Variants in SYNE2 observed in about 807,000 individuals in gnomAD.
SYNE2 encodes nesprin-2.
In SYNE2, 431 loss-of-function variants were observed where a neutral mutation model predicts 856.3. That is an observed-to-expected ratio of 0.50 (90% CI 0.47 to 0.55). SYNE2 has a LOEUF of 0.55. SYNE2 is among the 20% of genes least tolerant of loss of function. SYNE2 has a pLI of 0.00. For missense variants in SYNE2, 8,129 were observed against 8,023.2 expected, an observed-to-expected ratio of 1.01 and a Z score of -0.50; for synonymous variants, 2,923 against 2,872.3, an observed-to-expected ratio of 1.02 and a Z score of -0.56.
At chr14:64,000,150 G>T (rs4027383) in intron 27 of SYNE2, among the ~76,000 whole-genome samples, 72,875 of 152,062 alleles carry the variant, frequency 0.48, 17,719 homozygotes, top group African/African-American at 0.56. Context: ...ATTAATTTAA[G>T]TTACTTCTTA....
At position 63,949,863 on chromosome 14, in the gene SYNE2, T is replaced by C. The variant is rs2096122862; in HGVS notation, c.447T>C (p.Asn149=). 2 of 1,614,068 alleles carry C rather than the reference T, an allele frequency of 1.2e-6. No individual in the cohort carries two copies. The highest frequency in any genetic ancestry group is 1.7e-6 in the Non-Finnish European group (2 of 1,180,028). Reference sequence around the variant, plus strand: ...CCCAGACTCTTTCTTGCAATTACAATCAGCCTTCCCTGGATGATGTGAGTG... The same window carrying C: ...CCCAGACTCTTTCTTGCAATTACAACCAGCCTTCCCTGGATGATGTGAGTG... The part of the protein sequence containing the change: ...KLAQTLSCNY[N]QPSLDDVSVV... The change falls in exon 7 of 116, where the codon AAT becomes AAC. Residue 149 remains asparagine (N), a synonymous_variant. Transcript: ENST00000555002.
chr14:64,074,504 C>G (rs2097441188), intron 53 of SYNE2, among the ~76,000 whole-genome samples: 1 of 152,150 alleles, frequency 6.6e-6, no homozygotes, highest in African/African-American at 2.4e-5. Context: ...CTATGTACAC[C>G]CTACAGGTCA....
chr14:64,175,265 T>C, intron 95 of SYNE2, 127 bp downstream of exon 95: 1 of 1,051,614 alleles, frequency 9.5e-7, no homozygotes, highest in Non-Finnish European at 1.4e-6. Context: ...CAAGCTGTAA[T>C]CTGTAAGTCA....
chr14:63,849,840 C>G (rs1890347030), upstream of SYNE2, among the ~76,000 whole-genome samples: 1 of 152,162 alleles, frequency 6.6e-6, no homozygotes, highest in South Asian at 2.1e-4. Context: ...TCTTGGTTCA[C>G]CTGCTCAGTA....
chr14:64,077,868 G>A (rs1356425300), intron 54 of SYNE2, among the ~76,000 whole-genome samples: 1 of 152,078 alleles, frequency 6.6e-6, no homozygotes, highest in Non-Finnish European at 1.5e-5. Context: ...ACGCTGTTCA[G>A]TAGCTAAGTT....
chr14:64,002,292 G>T (rs1030658437), intron 29 of SYNE2, among the ~76,000 whole-genome samples: 1 of 151,850 alleles, frequency 6.6e-6, no homozygotes, highest in Non-Finnish European at 1.5e-5. Flanking sequence ...TGCATAGTGA[G>T]GTATTTTCTT....
intron 92 of SYNE2, 151 bp from the exon 93 acceptor site, chr14:64,168,726 G>C (rs1016132430): frequency 9.1e-5 from 58 of 640,340 alleles, no homozygotes; most frequent in African/African-American, 8.0e-4. Flanking sequence ...TGATATGATA[G>C]TTGAACATTT....
Position 64,002,922 on chromosome 14 carries a change from C to T in SYNE2, c.3989C>T (p.Ala1330Val), listed in dbSNP as rs762901807. Residue 1330 changes from alanine to valine, a missense_variant, in exon 30 of 116, where the codon GCG becomes GTG. Transcript: ENST00000555002. ...DTLKALEDFL[A>V]SLRTAKLSAE... Reference sequence around the variant, plus strand: ...CTCAAAGCTCTGGAAGACTTTTTGGCGTCTCTCAGAACAGCTAAACTCTCT... The same window carrying T: ...CTCAAAGCTCTGGAAGACTTTTTGGTGTCTCTCAGAACAGCTAAACTCTCT... 1.4e-5 allele frequency: 22 copies of T among 1,614,042 alleles called. No individual in the cohort carries two copies. The highest frequency in any genetic ancestry group is 1.9e-5 in the Non-Finnish European group (22 of 1,180,030).
chr14:64,010,827 CAG>C (rs1159208931), intron 32 of SYNE2, among the ~76,000 whole-genome samples: 2 of 152,088 alleles, frequency 1.3e-5, no homozygotes, highest in Non-Finnish European at 2.9e-5. Flanking sequence ...TTAGTAGAGA[CAG>C]GGTTTCGCCG....
intron 107 of SYNE2, chr14:64,215,625 A>AT (rs759906711): frequency 2.8e-5 from 15 of 533,048 alleles, no homozygotes; most frequent in African/African-American, 7.7e-5. Context: ...TGTTTTGATG[A>AT]TTTTTTTCTC....
In SYNE2 at chr14:64,099,025, T is replaced by G. The variant is rs183335803; in HGVS notation, c.12381+204T>G. ...TCACTGTGTAAGAGTGAGATGAATGTAATTCAGACACTCTTGTTGGCATAC... is the reference window on the plus strand; with the variant it reads ...TCACTGTGTAAGAGTGAGATGAATGGAATTCAGACACTCTTGTTGGCATAC... On this transcript the variant is annotated intron_variant, in intron 63 of 115. Transcript: ENST00000555002. 1.0e-5 allele frequency: 6 copies of G among 576,818 alleles called. No homozygotes were observed. The Admixed American group carries it at 1.6e-4, about 15-fold the overall frequency. The allele number at this position is 576,818 out of a possible 1,614,324, so 35.7% of individuals were successfully genotyped here. A position where few individuals can be genotyped will look rare whatever the true frequency, so the allele number is the denominator to read the frequency against.
At chr14:64,137,592 A>T (rs1018313694) in intron 78 of SYNE2, among the ~76,000 whole-genome samples, 195 bp from the exon 79 acceptor site, 1 of 152,218 alleles carries the variant, frequency 6.6e-6, no homozygotes, top group Non-Finnish European at 1.5e-5. Context: ...GAAATGCAAG[A>T]TTGGACACCT....
chr14:64,038,374 A>G (rs1460722535), intron 45 of SYNE2, among the ~76,000 whole-genome samples: 2 of 152,156 alleles, frequency 1.3e-5, no homozygotes, highest in Non-Finnish European at 2.9e-5. Context: ...AGCCAGGCAG[A>G]GGGGCTCCTC....
intron 100 of SYNE2, among the ~76,000 whole-genome samples, chr14:64,205,367 G>A (rs1040509983): frequency 1.3e-4 from 20 of 152,256 alleles, no homozygotes; most frequent in African/African-American, 4.8e-4. Flanking sequence ...GGAAACAAAT[G>A]TGTCACACAA....
chr14:64,218,511 A>G lies in SYNE2; in HGVS notation c.19656A>G (p.Ser6552=), dbSNP rs1358518891. 1 of 1,613,754 alleles carries G rather than the reference A, an allele frequency of 6.2e-7. No individual in the cohort carries two copies. The highest frequency in any genetic ancestry group is 8.5e-7 in the Non-Finnish European group (1 of 1,179,926). The change falls in exon 109 of 116, where the codon TCA becomes TCG. Residue 6552 remains serine (S), a splice_region_variant and synonymous_variant. Transcript: ENST00000555002. ...TGGCCGGTATCACAGAGCAGCAGTC[A>G]GGTACTGCCTGTAACTGGCAGTCGT... is the stretch of plus-strand genomic sequence containing the variant. ...GGLAGITEQQ[S]GAFDRWEMIQ...
intron 1 of SYNE2, among the ~76,000 whole-genome samples, chr14:63,787,905 C>A (rs774380294): frequency 2.0e-5 from 3 of 152,166 alleles, no homozygotes; most frequent in Non-Finnish European, 4.4e-5. Flanking sequence ...TGTCTGCATC[C>A]CACTGTGCCA....
At chr14:64,031,808 C>G (rs1323884911) in intron 45 of SYNE2, among the ~76,000 whole-genome samples, 2 of 152,128 alleles carry the variant, frequency 1.3e-5, no homozygotes, top group Non-Finnish European at 2.9e-5. Context: ...GTTGTTAGAT[C>G]ATTTAGTGTG....
At chr14:63,955,090 TTC>T (rs2096224161) in intron 8 of SYNE2, among the ~76,000 whole-genome samples, 175 bp downstream of exon 8, 3 of 152,212 alleles carry the variant, frequency 2.0e-5, no homozygotes, top group Non-Finnish European at 4.4e-5. Flanking sequence ...ATTTGTTAAC[TTC>T]AGTAATTATA....
At position 64,089,619 on chromosome 14, in the gene SYNE2, G is replaced by A. The variant is rs1244924789; in HGVS notation, c.11716G>A (p.Val3906Ile). Reference sequence around the variant, plus strand: ...TGAAGTAAAATCAATGGAAAAAAGAGTTTCAAAAATCAAAACTATCCTATT... The same window carrying A: ...TGAAGTAAAATCAATGGAAAAAAGAATTTCAAAAATCAAAACTATCCTATT... ...ESEVKSMEKRVSKIKTILLSK... is the reference protein window; with the variant it reads ...ESEVKSMEKRISKIKTILLSK... The change falls in exon 59 of 116, where the codon GTT becomes ATT. Residue 3906 changes from valine (V) to isoleucine (I), a missense_variant. Physicochemically the swap from Val to Ile is conservative, Grantham distance 29. This residue lies in a region of SYNE2 where 5,410 missense variants were observed against 5,284.8 expected (regional missense o/e 1.02). Coordinates refer to ENST00000555002, the MANE Select transcript of SYNE2 (RefSeq NM_182914.3). The A allele has an allele frequency of 1.2e-6, 2 of 1,609,770 alleles. No homozygotes were observed. The highest frequency in any genetic ancestry group is 1.7e-6 in the Non-Finnish European group (2 of 1,176,930).
Sources: allele counts gnomAD v4.1 joint callset (sites outside exome capture counted in the v4.1 genomes callset), GRCh38; gene constraint gnomAD v4.1.1; regional missense constraint gnomAD v4.1.1; transcripts MANE v1.5; gene names NCBI Gene and HGNC (gene_info 2026-07-23, HGNC 2026-07-21).